The following SPATA1 variants were observed in gnomAD, a reference collection of about 807,000 sequenced individuals.
The protein encoded by SPATA1 is spermatogenesis-associated protein 1.
A neutral mutation model predicts 59.6 loss-of-function variants in SPATA1; 57 were observed. The observed-to-expected ratio is 0.96, with a 90% CI of 0.77 to 1.19. The LOEUF is 1.19. Ranked by LOEUF, SPATA1 falls within the 50% of genes most tolerant of loss-of-function variation. The pLI is 0.00. For missense variants in SPATA1, 448 were observed against 480.7 expected (o/e 0.93, Z 0.64); for synonymous variants, 147 against 163.9 (o/e 0.90, Z 0.79).
chr1:84,544,746 A>T (rs1684028758), intron 9 of SPATA1, among the ~76,000 whole-genome samples: 1 of 151,448 alleles, frequency 6.6e-6, no homozygotes, highest in Non-Finnish European at 1.5e-5. Context: ...TTTTTAGTAG[A>T]GACGGGATTT....
At chr1:84,563,861 T>C in intron 4 of SPATA1, 1 of 1,592,554 alleles carries the variant, frequency 6.3e-7, no homozygotes, top group South Asian at 1.1e-5. Context: ...AAAAGCATAT[T>C]TGTTTCTCTT....
chr1:84,555,475 G>A (rs1354815361), downstream of SPATA1, among the ~76,000 whole-genome samples: 12 of 152,210 alleles, frequency 7.9e-5, no homozygotes, highest in East Asian at 3.9e-4. Flanking sequence ...AGGGTATTTC[G>A]TTCATTTTCA....
intron 9 of SPATA1, 109 bp from the exon 10 acceptor site, chr1:84,545,525 A>T (rs1308561443): frequency 7.9e-7 from 1 of 1,260,490 alleles, no homozygotes; most frequent in Non-Finnish European, 1.1e-6. Context: ...TTGGGATAAA[A>T]TTTATTCTTG....
rs1570456512 is a variant in SPATA1, at chr1:84,550,605, G to C, written c.1224+75G>C. On this transcript the variant is annotated intron_variant, in intron 12 of 12. Transcript: ENST00000490879. ...AAAATATTTTGGTGTTTTAACTTTG[G>C]GTGTCAATAATATAAGGGTAGCCAG... The C allele has an allele frequency of 1.7e-5, 24 of 1,391,590 alleles. No homozygotes were observed. The East Asian group carries it at 6.3e-4, about 37-fold the overall frequency. 86.2% of individuals were successfully genotyped at this position (1,391,590 alleles called of 1,614,324 possible).
At chr1:84,528,645 G>C (rs1683332727) in intron 6 of SPATA1, among the ~76,000 whole-genome samples, 1 of 152,146 alleles carries the variant, frequency 6.6e-6, no homozygotes, top group South Asian at 2.1e-4. Context: ...TTTGTTTGCA[G>C]CTTGGGACTA....
Position 84,520,692 on chromosome 1 carries a change from G to GC in SPATA1, c.143+2dup, listed in dbSNP as rs1469977403. On this transcript the variant is annotated splice_donor_variant, in intron 3 of 12. Transcript: ENST00000490879. LOFTEE classifies it high-confidence loss of function. ...AATTCATTTCAGCTGGATTTCTAAG[G>GC]CAAGTGTTGTGTAGTCATGTAACAA... 5 of 1,538,852 alleles carry GC rather than the reference G, an allele frequency of 3.2e-6. No homozygotes were observed. The highest frequency in any genetic ancestry group is 2.4e-5 in the East Asian group (1 of 42,524).
intron 4 of SPATA1, among the ~76,000 whole-genome samples, chr1:84,523,281 G>A (rs532327506): frequency 6.6e-6 from 1 of 152,236 alleles, no homozygotes; most frequent in South Asian, 2.1e-4. Context: ...TAAGTAGAGA[G>A]TATTCCTAGC....
At chr1:84,538,740 C>G (rs1341429357) in intron 8 of SPATA1, among the ~76,000 whole-genome samples, 1 of 152,154 alleles carries the variant, frequency 6.6e-6, no homozygotes, top group African/African-American at 2.4e-5. Flanking sequence ...CAAGAGAAGG[C>G]TTGTAAGGTG....
chr1:84,526,879 A>T (rs1303634424), intron 6 of SPATA1, among the ~76,000 whole-genome samples: 5 of 151,662 alleles, frequency 3.3e-5, no homozygotes, highest in Non-Finnish European at 7.4e-5. Context: ...AAAAAAAAAA[A>T]AAAAAAAAAG....
At chr1:84,550,362 T>C in intron 11 of SPATA1, 70 bp from the exon 12 acceptor site, 1 of 680,368 alleles carries the variant, frequency 1.5e-6, no homozygotes, top group Admixed American at 3.9e-5. Flanking sequence ...TCATAGTTTA[T>C]GTTCACAAGG....
chr1:84,525,541 CATT>C (rs1683179782), intron 4 of SPATA1, among the ~76,000 whole-genome samples, 152 bp from the exon 5 acceptor site: 1 of 152,138 alleles, frequency 6.6e-6, no homozygotes, highest in African/African-American at 2.4e-5. Flanking sequence ...ATAAAAGTAA[CATT>C]ATATTCTACA....
At chr1:84,562,760 T>C (rs1027938703) in intron 4 of SPATA1, among the ~76,000 whole-genome samples, 1 of 152,202 alleles carries the variant, frequency 6.6e-6, no homozygotes. Context: ...AGTTTTGACA[T>C]TGCTTTATAA....
intron 2 of SPATA1, 104 bp from the exon 3 acceptor site, chr1:84,520,480 GT>G (rs59975122): frequency 5.0e-5 from 37 of 734,350 alleles, no homozygotes; most frequent in Non-Finnish European, 6.5e-5. Flanking sequence ...TGTATTCCAT[GT>G]TTTTTTTCTA....
downstream of SPATA1, among the ~76,000 whole-genome samples, chr1:84,558,845 G>A (rs1448444663): frequency 2.0e-5 from 3 of 151,990 alleles, no homozygotes; most frequent in African/African-American, 7.2e-5. Flanking sequence ...AGGCTGCAGT[G>A]AGCCATGATT....
intron 6 of SPATA1, among the ~76,000 whole-genome samples, chr1:84,529,672 C>T (rs1683383296): frequency 6.7e-6 from 1 of 148,602 alleles, no homozygotes; most frequent in Non-Finnish European, 1.5e-5. Flanking sequence ...ACCTCCGCCT[C>T]CCGGGTTTCA....
rs188400619 is a variant in SPATA1 at position 84,525,101 on chromosome 1, C to T, written c.262-595C>T. ...AAGCGATTCTCCTGCCTCAGCCTCC[C>T]GAGTAGCTGGGGGAGCCACCACACC... is the stretch of plus-strand genomic sequence containing the variant. On this transcript the variant is annotated intron_variant, in intron 4 of 12. Transcript: ENST00000490879. Among the ~76,000 whole-genome samples, 153 of 152,166 alleles carry T rather than the reference C, an allele frequency of 1.0e-3. 2 individuals are homozygous for T. The highest frequency in any genetic ancestry group is 9.4e-3 in the Admixed American group (144 of 15,294).
intron 1 of SPATA1, among the ~76,000 whole-genome samples, chr1:84,509,208 T>TTA (rs1553216587): frequency 3.0e-5 from 4 of 134,424 alleles, no homozygotes; most frequent in South Asian, 4.7e-4. Context: ...GGTACTGGCA[T>TTA]AAAAAAAAAA....
intron 10 of SPATA1, among the ~76,000 whole-genome samples, chr1:84,545,961 TTTAAAA>T (rs1352791864): frequency 6.6e-6 from 1 of 152,140 alleles, no homozygotes; most frequent in African/African-American, 2.4e-5. Context: ...TTACATAGGG[TTTAAAA>T]TTAAAACTCA....
chr1:84,526,751 C>T (rs1683240763), intron 6 of SPATA1, among the ~76,000 whole-genome samples: 2 of 151,150 alleles, frequency 1.3e-5, no homozygotes, highest in Middle Eastern at 3.4e-3. Context: ...GCCTGTAGTC[C>T]CAGCTACTCA....
Sources: gnomAD v4.1 joint callset for allele counts (sites outside exome capture counted in the v4.1 genomes callset) on GRCh38, gnomAD v4.1.1 for gene constraint, MANE v1.5 for transcripts, NCBI Gene and HGNC (gene_info 2026-07-23, HGNC 2026-07-21) for gene names.